The following AK6 variants were observed in gnomAD, a reference collection of about 807,000 sequenced individuals.
AK6 encodes the protein adenylate kinase isoenzyme 6.
In AK6, 24 loss-of-function variants were observed where a neutral mutation model predicts 23.7. The ratio of observed to expected loss-of-function variants is 1.01; its 90% CI spans 0.73 to 1.43. AK6 has a LOEUF of 1.43. Among genes scored for constraint, AK6 ranks in the 40% most tolerant of loss-of-function variants. AK6 has a pLI of 0.00. For missense variants in AK6, 191 were observed against 199.1 expected (o/e 0.96, Z 0.24); for synonymous variants, 73 against 69.8 (o/e 1.05, Z -0.23).
chr5:69,369,633 G>A (rs375175335), upstream of AK6: 12 of 1,565,564 alleles, frequency 7.7e-6, no homozygotes, highest in Middle Eastern at 5.0e-4. Flanking sequence ...TGCCCCGGCG[G>A]CCCAGCCGCG....
intron 2 of AK6, among the ~76,000 whole-genome samples, chr5:69,360,117 T>G (rs1258876177): frequency 6.6e-6 from 1 of 152,226 alleles, no homozygotes; most frequent in African/African-American, 2.4e-5. Flanking sequence ...ATCTCCTATA[T>G]TTCCTGAAGG....
intron 2 of AK6, chr5:69,365,277 G>A (rs1372724915): frequency 6.2e-7 from 1 of 1,614,076 alleles, no homozygotes; most frequent in Non-Finnish European, 8.5e-7. Context: ...TGGTCTGCTA[G>A]TAACTGAACC....
intron 2 of AK6, among the ~76,000 whole-genome samples, chr5:69,356,203 G>A (rs1472490987): frequency 6.6e-6 from 1 of 152,154 alleles, no homozygotes; most frequent in East Asian, 1.9e-4. Flanking sequence ...TATCAAAACT[G>A]AAACCAACTA....
At position 69,369,111 on chromosome 5, in the gene AK6, A is replaced by C. The variant is rs952917443; in HGVS notation, c.28+352T>G. Reference sequence around the variant, plus strand: ...ATGGCCTTACGTTATTTCGCTAAAAATCCCAAGGCCAACCCTGCCAAAGAA... The same window carrying C: ...ATGGCCTTACGTTATTTCGCTAAAACTCCCAAGGCCAACCCTGCCAAAGAA... On this transcript the variant is annotated intron_variant, in intron 1 of 4. Coordinates refer to ENST00000380822, the MANE Select transcript of AK6 (RefSeq NM_016283.5). 1.5e-5 allele frequency: 6 copies of C among 397,418 alleles called. No homozygotes were observed. In the Admixed American group the frequency reaches 2.8e-4, roughly 19 times the overall value. 24.6% of individuals were successfully genotyped at this position (397,418 alleles called of 1,614,324 possible). A position where few individuals can be genotyped will look rare whatever the true frequency, so the allele number is the denominator to read the frequency against.
chr5:69,369,536 G>A, upstream of AK6: 1 of 1,611,202 alleles, frequency 6.2e-7, no homozygotes, highest in Non-Finnish European at 8.5e-7. Context: ...CGTGCCCTTT[G>A]CTCTACAGGG....
intron 2 of AK6, chr5:69,365,495 C>T (rs1375005478): frequency 6.2e-7 from 1 of 1,613,950 alleles, no homozygotes; most frequent in East Asian, 2.2e-5. Flanking sequence ...AGGTAAAAGA[C>T]TGATCAGCGC....
At chr5:69,365,028 G>A (rs1474668707) in intron 2 of AK6, 1 of 1,613,842 alleles carries the variant, frequency 6.2e-7, no homozygotes, top group African/African-American at 1.3e-5. Flanking sequence ...TGATTCATTG[G>A]CAGTATTTTG....
upstream of AK6, chr5:69,369,801 A>G: frequency 7.7e-7 from 1 of 1,292,544 alleles, no homozygotes; most frequent in East Asian, 2.6e-5. Context: ...ACCAGTCTGG[A>G]AGGTCCCCGG....
chr5:69,366,309 G>A (rs4252228), intron 2 of AK6, among the ~76,000 whole-genome samples, 194 bp downstream of exon 2: 51,624 of 152,076 alleles, frequency 0.34, 10,255 homozygotes, highest in Non-Finnish European at 0.46. Flanking sequence ...TTTTGAAGGC[G>A]GAAGGGAAAA....
chr5:69,359,290 G>A (rs1364898061), intron 2 of AK6, among the ~76,000 whole-genome samples: 1 of 151,266 alleles, frequency 6.6e-6, no homozygotes, highest in African/African-American at 2.4e-5. Flanking sequence ...CGTCACCCAC[G>A]CTGGAGTGCA....
chr5:69,355,531 AAAAAC>A lies in AK6; in HGVS notation c.326+113_326+117del, dbSNP rs370234616. On this transcript the variant is annotated intron_variant, in intron 4 of 4. Coordinates refer to ENST00000380822, the MANE Select transcript of AK6 (RefSeq NM_016283.5). ...GGGTGACAGCGAGACTCTATCTCAA[AAAAAC>A]AAAACAAAACAAAACAAAACAAACA... 3,838 of 1,217,928 alleles carry A rather than the reference AAAAAC, an allele frequency of 3.2e-3. 86 individuals carry two copies. The African/African-American group carries it at 0.05, about 16-fold the overall frequency. 75.4% of individuals were successfully genotyped at this position (1,217,928 alleles called of 1,614,324 possible).
chr5:69,364,303 A>T (rs1762327594), intron 2 of AK6, among the ~76,000 whole-genome samples: 1 of 151,956 alleles, frequency 6.6e-6, no homozygotes, highest in Admixed American at 6.6e-5. Context: ...CAGGAATATG[A>T]AAAACAAAGA....
intron 2 of AK6, chr5:69,364,719 ACATAACTGCCAAAG>A: frequency 1.6e-6 from 1 of 629,006 alleles, no homozygotes; most frequent in South Asian, 2.0e-5. Flanking sequence ...GCTTTTAAAA[ACATAACTGCCAAAG>A]CACCAACAAT....
At chr5:69,362,106 TTTC>T (rs1554035460) in intron 2 of AK6, among the ~76,000 whole-genome samples, 1 of 69,114 alleles carries the variant, frequency 1.4e-5, no homozygotes, top group Non-Finnish European at 5.0e-5. Context: ...TCTTAAAAGC[TTTC>T]TTTTTTTCCG....
At chr5:69,365,174 T>C in intron 2 of AK6, 2 of 1,614,238 alleles carry the variant, frequency 1.2e-6, no homozygotes, top group Non-Finnish European at 8.5e-7. Flanking sequence ...GCATCTGTAC[T>C]GTAAACCTTT....
chr5:69,357,622 G>C (rs1762116062), intron 2 of AK6, among the ~76,000 whole-genome samples: 1 of 151,978 alleles, frequency 6.6e-6, no homozygotes. Flanking sequence ...AACAAGAAAA[G>C]AATTCACACA....
At chr5:69,366,687 G>T (rs1304574305) in intron 1 of AK6, 92 bp from the exon 2 acceptor site, 1 of 929,584 alleles carries the variant, frequency 1.1e-6, no homozygotes, top group African/African-American at 1.6e-5. Flanking sequence ...TTTTGAGACA[G>T]AGTCTCACCT....
chr5:69,361,124 TAAGAG>T (rs1281225635), intron 2 of AK6, among the ~76,000 whole-genome samples: 1 of 152,116 alleles, frequency 6.6e-6, no homozygotes, highest in African/African-American at 2.4e-5. Context: ...AGAATAGCAA[TAAGAG>T]AAGCACTCTT....
intron 2 of AK6, among the ~76,000 whole-genome samples, chr5:69,359,477 TCAGGTGATC>T (rs891026029): frequency 2.6e-5 from 4 of 152,128 alleles, no homozygotes; most frequent in African/African-American, 9.7e-5. Flanking sequence ...ACTTTTGACC[TCAGGTGATC>T]CACCCGCCCT....
Sources: allele counts gnomAD v4.1 joint callset (sites outside exome capture counted in the v4.1 genomes callset), GRCh38; gene constraint gnomAD v4.1.1; transcripts MANE v1.5; gene names NCBI Gene and HGNC (gene_info 2026-07-23, HGNC 2026-07-21).